Variants in SPPL3 observed in about 807,000 individuals in gnomAD.
SPPL3 encodes signal peptide peptidase-like 3.
A neutral mutation model predicts 42.4 loss-of-function variants in SPPL3; 5 were observed. The observed-to-expected ratio is 0.12, with a 90% CI of 0.06 to 0.25. SPPL3 has a LOEUF of 0.25. Among genes scored for constraint, SPPL3 ranks in the 10% least tolerant of loss-of-function variants. The probability of loss-of-function intolerance (pLI) is 1.00; values close to 1 mark genes in which losing one functional copy is unlikely to be tolerated. For synonymous variants in SPPL3, 195 were observed against 181.8 expected (o/e 1.07, Z -0.58); for missense variants, 235 against 489.0 (o/e 0.48, Z 4.90).
At chr12:120,782,606 T>A (rs1555247578) in intron 6 of SPPL3, 49 bp downstream of exon 6, 1 of 1,379,112 alleles carries the variant, frequency 7.3e-7, no homozygotes, top group Non-Finnish European at 1.0e-6. Context: ...AAAGTATCTA[T>A]AAAACTCTAT....
intron 1 of SPPL3, among the ~76,000 whole-genome samples, chr12:120,891,268 A>C (rs534598559): frequency 5.9e-5 from 9 of 152,186 alleles, no homozygotes; most frequent in South Asian, 2.1e-4. Flanking sequence ...TCACCACTGC[A>C]AAGATACAAA....
chr12:120,771,869 C>A (rs1403035680), intron 6 of SPPL3, among the ~76,000 whole-genome samples: 1 of 152,194 alleles, frequency 6.6e-6, no homozygotes, highest in Non-Finnish European at 1.5e-5. Context: ...AACACAATTT[C>A]CCGCTCTCCA....
At chr12:120,903,558 CG>C in intron 1 of SPPL3, 1 of 418,044 alleles carries the variant, frequency 2.4e-6, no homozygotes, top group Non-Finnish European at 4.3e-6. Flanking sequence ...TTCCCACCCC[CG>C]GGGTCATGCT....
chr12:120,858,450 C>T (rs548406355), intron 1 of SPPL3, among the ~76,000 whole-genome samples: 1 of 139,722 alleles, frequency 7.2e-6, no homozygotes, highest in Non-Finnish European at 1.5e-5. Context: ...AAACAAGACT[C>T]CATCTCAAGA....
chr12:120,893,318 C>T (rs1415192317), intron 1 of SPPL3, among the ~76,000 whole-genome samples: 1 of 151,856 alleles, frequency 6.6e-6, no homozygotes, highest in Admixed American at 6.6e-5. Flanking sequence ...GGCGTGGCGG[C>T]GGGCGCCTGT....
intron 1 of SPPL3, among the ~76,000 whole-genome samples, chr12:120,846,552 A>C (rs1872046462): frequency 6.6e-6 from 1 of 152,234 alleles, no homozygotes; most frequent in African/African-American, 2.4e-5. Context: ...AGCTATGGAG[A>C]GTAAAACAGT....
intron 1 of SPPL3, among the ~76,000 whole-genome samples, chr12:120,865,432 G>A (rs1369202856): frequency 6.6e-6 from 1 of 152,136 alleles, no homozygotes; most frequent in Non-Finnish European, 1.5e-5. Context: ...CTGGCTGTAA[G>A]GCCTTGTACA....
In SPPL3 at chr12:120,768,971, G is replaced by A. The variant is rs745505151; in HGVS notation, c.591C>T (p.Leu197=). The part of the protein sequence containing the change: ...KVSCLLLSGL[L]IYDVFWVFFS... ...CGCTTACCCAAAAGACATCATAGAT[G>A]AGAAGCCCTGAGAGAAGCAGGCAGG... Residue 197 remains leucine (L), a synonymous_variant, in exon 7 of 11, where the codon CTC becomes CTT. Coordinates refer to ENST00000353487, the MANE Select transcript of SPPL3 (RefSeq NM_139015.5). The A allele has an allele frequency of 5.8e-5, 94 of 1,610,698 alleles. No individual in the cohort carries two copies. Among genetic ancestry groups the A allele is most frequent in the South Asian group, 8.9e-5 (8 of 89,924 alleles).
chr12:120,808,514 C>A (rs1453406141), intron 2 of SPPL3, among the ~76,000 whole-genome samples: 1 of 152,158 alleles, frequency 6.6e-6, no homozygotes, highest in Non-Finnish European at 1.5e-5. Context: ...AAAAACAATA[C>A]AGTAATATGT....
In SPPL3 at chr12:120,768,410, C is replaced by T. The variant is rs777555270; in HGVS notation, c.688G>A (p.Val230Ile). Residue 230 changes from valine (V) to isoleucine (I), a missense_variant, in exon 8 of 11, where the codon GTT becomes ATT. Coordinates refer to ENST00000353487, the MANE Select transcript of SPPL3 (RefSeq NM_139015.5). ...ATQPADNPLD[V>I]LSRKLHLGPN... ...CCCAGGTGGAGCTTCCGGGATAGAA[C>T]GTCAAGGGGATTGTCAGCCGGCTGA... 109 of 1,614,200 alleles carry T rather than the reference C, an allele frequency of 6.8e-5. No homozygotes were observed. The highest frequency in any genetic ancestry group is 8.9e-5 in the Non-Finnish European group (105 of 1,180,028).
At chr12:120,852,739 A>ATAAAAT (rs1411277536) in intron 1 of SPPL3, among the ~76,000 whole-genome samples, 6 of 24,188 alleles carry the variant, frequency 2.5e-4, no homozygotes, top group Non-Finnish European at 7.4e-4. Context: ...ATATACATAT[A>ATAAAAT]ATATATTTCA....
At chr12:120,880,561 T>G (rs535655495) in intron 1 of SPPL3, among the ~76,000 whole-genome samples, 1 of 151,838 alleles carries the variant, frequency 6.6e-6, no homozygotes, top group African/African-American at 2.4e-5. Flanking sequence ...GGCTGAAGTG[T>G]GCAGATCATG....
Position 120,901,567 on chromosome 12 carries a change from G to T in SPPL3, c.23+2278C>A, listed in dbSNP as rs1873981489. Among the ~76,000 whole-genome samples the T allele has an allele frequency of 2.0e-5, 3 of 147,774 alleles. No homozygotes were observed. The South Asian group carries it at 6.6e-4, about 33-fold the overall frequency. On this transcript the variant is annotated intron_variant, in intron 1 of 10. Coordinates refer to ENST00000353487, the MANE Select transcript of SPPL3 (RefSeq NM_139015.5). ...GATGGCGCCACTGCACTGCAGCCTG[G>T]GTGACAGAGCGAGACTCCGTCCTAA...
chr12:120,770,213 G>C (rs1236666247), intron 6 of SPPL3: 1 of 152,176 alleles, frequency 6.6e-6, no homozygotes, highest in Non-Finnish European at 1.5e-5. Flanking sequence ...GATAATTTTT[G>C]TATTTTTTGT....
chr12:120,825,029 G>A (rs915527161), intron 1 of SPPL3, among the ~76,000 whole-genome samples: 3 of 151,012 alleles, frequency 2.0e-5, no homozygotes, highest in Non-Finnish European at 4.4e-5. Context: ...TTCTCATAGT[G>A]TGCCCTTCCT....
intron 2 of SPPL3, among the ~76,000 whole-genome samples, chr12:120,805,504 ACT>A (rs1870458507): frequency 6.6e-6 from 1 of 152,224 alleles, no homozygotes; most frequent in Non-Finnish European, 1.5e-5. Flanking sequence ...TCTATTCGAC[ACT>A]GTACAATAAG....
chr12:120,886,871 A>G (rs1873477191), intron 1 of SPPL3, among the ~76,000 whole-genome samples: 1 of 152,090 alleles, frequency 6.6e-6, no homozygotes, highest in African/African-American at 2.4e-5. Flanking sequence ...ACATGTAGCT[A>G]CTGAGCACTT....
At chr12:120,797,477 T>C (rs10849791) in intron 2 of SPPL3, among the ~76,000 whole-genome samples, 59,912 of 151,992 alleles carry the variant, frequency 0.39, 13,925 homozygotes, top group Middle Eastern at 0.56. Flanking sequence ...TCTTGAAAAC[T>C]GCTGTGTTAT....
chr12:120,884,808 G>GTT lies in SPPL3; in HGVS notation c.23+19035_23+19036dup, dbSNP rs1555254341. ...GAGTTTTTTTGGGTTTTTTTTTTGG[G>GTT]TTTTTTTTTTTTTTTGGCTTTCAGA... On this transcript the variant is annotated intron_variant, in intron 1 of 10. Coordinates refer to ENST00000353487, the MANE Select transcript of SPPL3 (RefSeq NM_139015.5). 5.7e-3 allele frequency among the ~76,000 whole-genome samples: 790 copies of GTT among 137,486 alleles called. 12 individuals are homozygous for GTT. Among genetic ancestry groups the GTT allele is most frequent in the African/African-American group, 0.018 (694 of 37,920 alleles). The allele number at this position is 137,486 out of a possible 152,430, so 90.2% of individuals were successfully genotyped here. A position where few individuals can be genotyped will look rare whatever the true frequency, so the allele number is the denominator to read the frequency against.
Sources: allele counts gnomAD v4.1 joint callset (sites outside exome capture counted in the v4.1 genomes callset), GRCh38; gene constraint gnomAD v4.1.1; transcripts MANE v1.5; gene names NCBI Gene and HGNC (gene_info 2026-07-23, HGNC 2026-07-21).